CHIC2: variants seen among roughly 807,000 people sequenced by gnomAD.
The protein encoded by CHIC2 is cysteine-rich hydrophobic domain-containing protein 2.
CHIC2 carries 14 observed loss-of-function variants against 25.9 expected under a neutral mutation model. The observed-to-expected ratio is 0.54, with a 90% CI of 0.36 to 0.85. The LOEUF is 0.85. Among genes scored for constraint, CHIC2 ranks in the 40% least tolerant of loss-of-function variants. The pLI, the probability that CHIC2 is intolerant of heterozygous loss-of-function variation, is 0.01. For missense variants in CHIC2, 146 were observed against 202.0 expected (o/e 0.72, Z 1.68); for synonymous variants, 70 against 72.0 (o/e 0.97, Z 0.14).
At chr4:54,050,290 C>G (rs1178609456) in intron 1 of CHIC2, among the ~76,000 whole-genome samples, 1 of 152,078 alleles carries the variant, frequency 6.6e-6, no homozygotes, top group Admixed American at 6.5e-5. Flanking sequence ...AACTTTACAC[C>G]TAAATCTAAA....
chr4:54,061,900 T>C (rs185744914), intron 1 of CHIC2, among the ~76,000 whole-genome samples: 129 of 152,308 alleles, frequency 8.5e-4, no homozygotes, highest in Non-Finnish European at 1.6e-3. Context: ...TGAATCATTG[T>C]TATGTTTGAT....
At chr4:54,029,820 A>G (rs913907659) in intron 3 of CHIC2, among the ~76,000 whole-genome samples, 3 of 152,174 alleles carry the variant, frequency 2.0e-5, no homozygotes, top group African/African-American at 7.2e-5. Flanking sequence ...TTCCTCCCAT[A>G]TACCAATATT....
At position 54,025,486 on chromosome 4, in the gene CHIC2, A is replaced by C. The variant is rs1716029362; in HGVS notation, c.331-11367T>G. 2.0e-5 allele frequency among the ~76,000 whole-genome samples: 3 copies of C among 152,144 alleles called. No individual in the cohort carries two copies. In the South Asian group the frequency reaches 6.2e-4, roughly 32 times the overall value. The stretch of plus-strand genomic sequence containing the variant: ...AGCCCGCCTGCACCCAGGTGAAATA[A>C]ACAGCCTTGTCGCTCACACAAAGCC... On this transcript the variant is annotated intron_variant, in intron 3 of 5. Coordinates refer to ENST00000263921, the MANE Select transcript of CHIC2 (RefSeq NM_012110.4).
At chr4:54,026,481 C>G (rs899645999) in intron 3 of CHIC2, among the ~76,000 whole-genome samples, 3 of 152,128 alleles carry the variant, frequency 2.0e-5, no homozygotes, top group Non-Finnish European at 4.4e-5. Flanking sequence ...GAGTGTGCCA[C>G]TGCACTCCAG....
At chr4:54,014,168 C>G in intron 3 of CHIC2, 49 bp from the exon 4 acceptor site, 2 of 1,563,054 alleles carry the variant, frequency 1.3e-6, no homozygotes, top group Middle Eastern at 1.7e-4. Context: ...TTTTAGAAAA[C>G]TTTGTTTTGC....
chr4:54,078,117 A>C, the CHIC2 span, among the ~76,000 whole-genome samples: 5,326 of 152,324 alleles, frequency 0.035, 283 homozygotes, highest in African/African-American at 0.12. Context: ...TTCTATAATT[A>C]GTGCTTACTA....
intron 3 of CHIC2, among the ~76,000 whole-genome samples, chr4:54,030,296 T>A (rs544844827): frequency 1.3e-5 from 2 of 152,048 alleles, no homozygotes; most frequent in Non-Finnish European, 2.9e-5. Flanking sequence ...GGCTGGAGGA[T>A]TGCTTGAACC....
At chr4:54,021,282 C>A (rs1426668188) in intron 3 of CHIC2, among the ~76,000 whole-genome samples, 1 of 152,142 alleles carries the variant, frequency 6.6e-6, no homozygotes, top group Middle Eastern at 3.2e-3. Flanking sequence ...AGGTGCCTGA[C>A]ATCCAGGCAT....
At chr4:54,062,510 T>C (rs1419753702) in intron 1 of CHIC2, among the ~76,000 whole-genome samples, 2 of 152,164 alleles carry the variant, frequency 1.3e-5, no homozygotes, top group Non-Finnish European at 2.9e-5. Context: ...TTCTACCCTA[T>C]TAACCTCTCC....
At chr4:54,084,959 C>CAAAAAAAAAA in the CHIC2 span, among the ~76,000 whole-genome samples, 19 of 58,920 alleles carry the variant, frequency 3.2e-4, no homozygotes, top group African/African-American at 1.0e-3. Flanking sequence ...TGCTCTGTCT[C>CAAAAAAAAAA]AAAAAAAAAA....
chr4:54,042,123 C>A (rs778007064), intron 3 of CHIC2, among the ~76,000 whole-genome samples: 20 of 152,012 alleles, frequency 1.3e-4, no homozygotes, highest in Non-Finnish European at 2.8e-4. Flanking sequence ...GTCACTCTTA[C>A]CATGGTTATG....
upstream of CHIC2, among the ~76,000 whole-genome samples, chr4:54,067,150 T>C (rs1488786105): frequency 6.6e-6 from 1 of 152,222 alleles, no homozygotes; most frequent in Non-Finnish European, 1.5e-5. Context: ...CTCACTCTTA[T>C]CTTCACACTG....
chr4:54,012,596 T>G (rs1190380737), intron 5 of CHIC2, among the ~76,000 whole-genome samples: 1 of 152,102 alleles, frequency 6.6e-6, no homozygotes, highest in Non-Finnish European at 1.5e-5. Context: ...CTAAATTCTT[T>G]ACATCTCCTA....
chr4:54,089,619 T>C, the CHIC2 span, among the ~76,000 whole-genome samples: 1 of 152,204 alleles, frequency 6.6e-6, no homozygotes, highest in Non-Finnish European at 1.5e-5. Context: ...AATTACAGCA[T>C]TCATTTTGTG....
the CHIC2 span, chr4:54,087,099 G>T: frequency 1.0e-6 from 1 of 983,074 alleles, no homozygotes; most frequent in Non-Finnish European, 1.6e-6. Context: ...AAGATGTGGG[G>T]TCGCTCTGCA....
At chr4:54,048,148 C>G (rs1230120428) in intron 3 of CHIC2, among the ~76,000 whole-genome samples, 1 of 152,122 alleles carries the variant, frequency 6.6e-6, no homozygotes, top group African/African-American at 2.4e-5. Context: ...GCCACCACGC[C>G]TGGCTAATTT....
Position 54,045,310 on chromosome 4 carries a change from T to G in CHIC2, c.330+3645A>C, listed in dbSNP as rs535644456. ...CCTAACTCATTTTATGAGGCCAGCA[T>G]CATCCTGATACCAAAGCCGGGCAGA... On this transcript the variant is annotated intron_variant, in intron 3 of 5. Coordinates refer to ENST00000263921, the MANE Select transcript of CHIC2 (RefSeq NM_012110.4). Among the ~76,000 whole-genome samples the G allele has an allele frequency of 2.8e-4, 43 of 152,300 alleles. 1 individual carries two copies. In the South Asian group the frequency reaches 4.6e-3, roughly 16 times the overall value.
chr4:54,059,835 A>T (rs1175374779), intron 1 of CHIC2: 5 of 152,176 alleles, frequency 3.3e-5, no homozygotes, highest in African/African-American at 1.2e-4. Flanking sequence ...ACACTATATT[A>T]AATAGTAAAG....
chr4:54,050,150 C>G (rs1041063278), intron 1 of CHIC2, among the ~76,000 whole-genome samples: 1 of 152,078 alleles, frequency 6.6e-6, no homozygotes, highest in East Asian at 1.9e-4. Flanking sequence ...TCAGTGCAGG[C>G]TTTTATGGCT....
Sources: gnomAD v4.1 joint callset for allele counts (sites outside exome capture counted in the v4.1 genomes callset) on GRCh38, gnomAD v4.1.1 for gene constraint, MANE v1.5 for transcripts, NCBI Gene and HGNC (gene_info 2026-07-23, HGNC 2026-07-21) for gene names.